TTC27: variants seen among roughly 807,000 people sequenced by gnomAD.
TTC27 encodes tetratricopeptide repeat domain 27.
TTC27 carries 79 observed loss-of-function variants against 115.9 expected under a neutral mutation model. The ratio of observed to expected loss-of-function variants is 0.68; its 90% CI spans 0.57 to 0.82. The LOEUF (loss-of-function observed/expected upper bound fraction) is 0.82. Ranked by LOEUF, TTC27 falls within the 40% of genes least tolerant of loss-of-function variation. TTC27 has a pLI of 0.00. For missense variants in TTC27, 1,054 were observed against 993.1 expected, an observed-to-expected ratio of 1.06 and a Z score of -0.82; for synonymous variants, 401 against 356.0, an observed-to-expected ratio of 1.13 and a Z score of -1.42.
chr2:32,806,670 T>A (rs1037670812), intron 16 of TTC27, among the ~76,000 whole-genome samples: 5 of 152,048 alleles, frequency 3.3e-5, no homozygotes, highest in Non-Finnish European at 2.9e-5. Context: ...TAGTCCCAGC[T>A]ACTCGGGAGG....
At chr2:32,801,980 G>A (rs777109502) in intron 16 of TTC27, among the ~76,000 whole-genome samples, 3 of 152,188 alleles carry the variant, frequency 2.0e-5, no homozygotes, top group South Asian at 2.1e-4. Flanking sequence ...TTTGTGAGAA[G>A]TTTCTGTTAT....
chr2:32,683,597 A>G (rs1403203717), intron 9 of TTC27, among the ~76,000 whole-genome samples: 1 of 152,162 alleles, frequency 6.6e-6, no homozygotes, highest in African/African-American at 2.4e-5. Flanking sequence ...TTACTTGTTT[A>G]AGGTTGCTGT....
intron 15 of TTC27, among the ~76,000 whole-genome samples, chr2:32,783,325 G>A (rs148533318): frequency 2.1e-3 from 314 of 152,240 alleles, no homozygotes; most frequent in Non-Finnish European, 3.3e-3. Flanking sequence ...GAAATTTGAA[G>A]GATGGATAGA....
intron 9 of TTC27, among the ~76,000 whole-genome samples, chr2:32,686,831 AT>A (rs1379138835): frequency 6.6e-6 from 1 of 151,874 alleles, no homozygotes; most frequent in Admixed American, 6.6e-5. Context: ...ACATTGGGTG[AT>A]TTTATTTTTA....
intron 9 of TTC27, among the ~76,000 whole-genome samples, chr2:32,698,745 G>T (rs932315555): frequency 1.5e-4 from 23 of 152,076 alleles, no homozygotes; most frequent in Non-Finnish European, 4.4e-5. Flanking sequence ...CTCCCAAAGT[G>T]CTGGGATTAC....
chr2:32,709,447 T>C (rs1033287734), intron 10 of TTC27, among the ~76,000 whole-genome samples: 1 of 152,222 alleles, frequency 6.6e-6, no homozygotes, highest in Non-Finnish European at 1.5e-5. Context: ...TTTCAGACTT[T>C]GAAATATTTG....
At chr2:32,650,551 T>G (rs1290893348) in intron 5 of TTC27, among the ~76,000 whole-genome samples, 2 of 151,950 alleles carry the variant, frequency 1.3e-5, no homozygotes, top group African/African-American at 2.4e-5. Flanking sequence ...TTCTCTGTTC[T>G]TTAAGAAGCC....
chr2:32,756,730 G>A (rs906499573), intron 12 of TTC27, among the ~76,000 whole-genome samples: 9 of 152,224 alleles, frequency 5.9e-5, no homozygotes, highest in African/African-American at 1.7e-4. Flanking sequence ...GCTGCTAAAG[G>A]ATGGCTTTCC....
At chr2:32,673,391 A>G (rs2151884890) in intron 8 of TTC27, among the ~76,000 whole-genome samples, 1 of 151,666 alleles carries the variant, frequency 6.6e-6, no homozygotes, top group Non-Finnish European at 1.5e-5. Context: ...TGCCCGGCTA[A>G]TTTTTTTGTA....
At chr2:32,788,565 G>C (rs559076763) in intron 16 of TTC27, among the ~76,000 whole-genome samples, 1 of 152,158 alleles carries the variant, frequency 6.6e-6, no homozygotes, top group Non-Finnish European at 1.5e-5. Context: ...TTAATCTTCT[G>C]TCCTGTGCCT....
At chr2:32,664,831 CTTGCT>C (rs1337218497) in intron 6 of TTC27, among the ~76,000 whole-genome samples, 1 of 148,942 alleles carries the variant, frequency 6.7e-6, no homozygotes, top group Non-Finnish European at 1.5e-5. Context: ...TTCTTTCCAT[CTTGCT>C]TTTTTTTTTT....
chr2:32,652,616 C>G (rs758049559), intron 5 of TTC27, among the ~76,000 whole-genome samples: 1 of 152,128 alleles, frequency 6.6e-6, no homozygotes, highest in African/African-American at 2.4e-5. Context: ...CTGTTCTAGG[C>G]TAATCAACGG....
chr2:32,733,914 G>A lies in TTC27; in HGVS notation c.1320G>A (p.Trp440Ter). 1 of 1,608,620 alleles carries A rather than the reference G, an allele frequency of 6.2e-7. No homozygotes were observed. Residue 440 changes from tryptophan (W) to a stop codon, truncating the protein, a stop_gained, in exon 11 of 20, where the codon TGG becomes TGA. Transcript: ENST00000317907. LOFTEE classifies it high-confidence loss of function. ...ATTGCTGTCAAGTACCACCTCACTG[G>A]GCCATTCAGGTATTTCTGTTGTTTG... is the stretch of plus-strand genomic sequence containing the variant. ...IFYCCQVPPH[W>*]AIQRQLASLL...
At chr2:32,732,009 A>G (rs987925072) in intron 10 of TTC27, among the ~76,000 whole-genome samples, 2 of 150,540 alleles carry the variant, frequency 1.3e-5, no homozygotes, top group East Asian at 1.9e-4. Flanking sequence ...AAATTTTACA[A>G]TGTTGCTTTT....
rs1486967914 is a variant in TTC27 at position 32,724,058 on chromosome 2, C to A, written c.1234-9770C>A. Among the ~76,000 whole-genome samples the A allele has an allele frequency of 5.9e-5, 8 of 136,170 alleles. No homozygotes were observed. The Admixed American group carries it at 6.3e-4, about 11-fold the overall frequency. 89.3% of individuals were successfully genotyped at this position (136,170 alleles called of 152,430 possible). A position where few individuals can be genotyped will look rare whatever the true frequency, so the allele number is the denominator to read the frequency against. ...TAATAATCAATAAATATTTGTTATT[C>A]TTTGCCCTCATAAAATTTGCAGATT... is the stretch of plus-strand genomic sequence containing the variant. On this transcript the variant is annotated intron_variant, in intron 10 of 19. Transcript: ENST00000317907.
intron 15 of TTC27, among the ~76,000 whole-genome samples, chr2:32,784,810 C>A (rs909708331): frequency 1.3e-5 from 2 of 152,100 alleles, no homozygotes; most frequent in Non-Finnish European, 1.5e-5. Context: ...TCACCCCCAA[C>A]CCCTGTGGAT....
intron 10 of TTC27, among the ~76,000 whole-genome samples, chr2:32,721,972 C>T (rs957261026): frequency 3.3e-5 from 5 of 152,166 alleles, no homozygotes; most frequent in African/African-American, 4.8e-5. Context: ...CTACCTCATA[C>T]CAATGGTGAT....
intron 16 of TTC27, among the ~76,000 whole-genome samples, chr2:32,808,724 G>A (rs752658420): frequency 3.3e-5 from 5 of 152,082 alleles, no homozygotes; most frequent in Non-Finnish European, 5.9e-5. Context: ...TCCCCACATC[G>A]TCTCCCCAGT....
At chr2:32,649,720 A>AT (rs1250328677) in intron 4 of TTC27, among the ~76,000 whole-genome samples, 1 of 151,840 alleles carries the variant, frequency 6.6e-6, no homozygotes, top group African/African-American at 2.4e-5. Flanking sequence ...TAATTTTTAT[A>AT]TTTTTAATAG....
Sources: gnomAD v4.1 joint callset for allele counts (sites outside exome capture counted in the v4.1 genomes callset) on GRCh38, gnomAD v4.1.1 for gene constraint, MANE v1.5 for transcripts, NCBI Gene and HGNC (gene_info 2026-07-23, HGNC 2026-07-21) for gene names.